Variants in PER2 observed in about 807,000 individuals in gnomAD.
PER2 encodes period circadian regulator 2.
Under a neutral mutation model 121.0 loss-of-function variants are expected in PER2, and 66 were observed. The ratio of observed to expected loss-of-function variants is 0.55; its 90% CI spans 0.45 to 0.67. The LOEUF (loss-of-function observed/expected upper bound fraction) is 0.67. Ranked by LOEUF, PER2 falls within the 30% of genes least tolerant of loss-of-function variation. PER2 has a pLI of 0.00. For synonymous variants in PER2, 684 were observed against 659.9 expected, an observed-to-expected ratio of 1.04 and a Z score of -0.56; for missense variants, 1,521 against 1,635.0, an observed-to-expected ratio of 0.93 and a Z score of 1.20.
At position 238,253,384 on chromosome 2, in the gene PER2, G is replaced by T. The variant is rs1481548000; in HGVS notation, c.2639C>A (p.Ala880Asp). 4.3e-6 allele frequency: 7 copies of T among 1,612,194 alleles called. No homozygotes were observed. In the African/African-American group the frequency reaches 9.3e-5, roughly 22 times the overall value. The change falls in exon 19 of 23, where the codon GCT (alanine) becomes GAT (aspartate). Residue 880 changes from alanine (A) to aspartate (D), a missense_variant. Ala to Asp is a moderately radical substitution (Grantham distance 126). Transcript: ENST00000254657. The surrounding 1 kb of genome is among the most constrained non-coding windows in gnomAD (Gnocchi z 5.6). ...CTGGTGCTGGAGGTCCACGGGCACA[G>T]CAGGCACTGTGAAGCTGGCGTGGGG... The part of the protein sequence containing the change: ...APPHASFTVP[A>D]VPVDLQHQFA...
Position 238,258,580 on chromosome 2 carries a change from C to G in PER2, c.1692G>C (p.Gly564=), listed in dbSNP as rs774787998. The change falls in exon 15 of 23, where the codon GGG becomes GGC. Residue 564 remains glycine (G), a synonymous_variant. Coordinates refer to ENST00000254657, the MANE Select transcript of PER2 (RefSeq NM_022817.3). ...AVPAMEKDSL[G]VSFPEELACK... Reference sequence around the variant, plus strand: ...AGGCCAACTCCTCGGGGAAGCTGACCCCCAGGCTGTCCTTTTCCATGGCAG... The same window carrying G: ...AGGCCAACTCCTCGGGGAAGCTGACGCCCAGGCTGTCCTTTTCCATGGCAG... 10 of 1,614,018 alleles carry G rather than the reference C, an allele frequency of 6.2e-6. No homozygotes were observed. Among genetic ancestry groups the G allele is most frequent in the Admixed American group, 1.7e-5 (1 of 60,000 alleles).
At chr2:238,298,985 A>G in the PER2 span, 7 of 152,274 alleles carry the variant, frequency 4.6e-5, no homozygotes, top group African/African-American at 1.7e-4. Flanking sequence ...CACTGTTGCA[A>G]ATCGGCCAGG....
upstream of PER2, among the ~76,000 whole-genome samples, chr2:238,288,944 A>T (rs1312023109): frequency 6.6e-6 from 1 of 152,200 alleles, no homozygotes; most frequent in African/African-American, 2.4e-5. Context: ...CATAAGACGC[A>T]CATGGAACTC....
rs181438358 is a variant in PER2 at position 238,266,146 on chromosome 2, G to A, written c.968-556C>T. ...TCTCGATCTCCTGACCTCGTGATCC[G>A]CCCACCTTGGCCTCCCAAAGTGCTG... On this transcript the variant is annotated intron_variant, in intron 8 of 22. Coordinates refer to ENST00000254657, the MANE Select transcript of PER2 (RefSeq NM_022817.3). Among the ~76,000 whole-genome samples, 898 of 151,976 alleles carry A rather than the reference G, an allele frequency of 5.9e-3. 5 individuals are homozygous for A. The highest frequency in any genetic ancestry group is 9.9e-3 in the Non-Finnish European group (673 of 67,918).
rs549790537 is a variant in PER2 at position 238,288,451 on chromosome 2, C to A, written c.-122G>T. 3 of 152,416 alleles carry A rather than the reference C, an allele frequency of 2.0e-5. No homozygotes were observed. Among genetic ancestry groups the A allele is most frequent in the South Asian group, 2.1e-4 (1 of 4,834 alleles). The allele number at this position is 152,416 out of a possible 1,614,324, so 9.4% of individuals were successfully genotyped here. A position where few individuals can be genotyped will look rare whatever the true frequency, so the allele number is the denominator to read the frequency against. On this transcript the variant is annotated 5_prime_UTR_variant, in exon 1 of 23. Transcript: ENST00000254657. ...GCGCACCCTGCGCGCGGCTCGACCA[C>A]TCTCCACCTGGGACAGGGCCAAGGG...
chr2:238,271,637 T>TC, intron 5 of PER2, 124 bp from the exon 6 acceptor site: 1 of 743,748 alleles, frequency 1.3e-6, no homozygotes, highest in Non-Finnish European at 2.4e-6. Flanking sequence ...GCTCTCTGAC[T>TC]CCCTTGCCTA....
upstream of PER2, chr2:238,289,486 A>G (rs534596063): frequency 1.4e-4 from 22 of 152,348 alleles, no homozygotes; most frequent in Admixed American, 1.3e-3. Context: ...GGTTCAGGAA[A>G]TAGAGTCATT....
rs35998480 is a variant in PER2 at position 238,253,177 on chromosome 2, A to T, written c.2846T>A (p.Phe949Tyr). The T allele has an allele frequency of 2.0e-4, 312 of 1,593,586 alleles. No homozygotes were observed. The African/African-American group carries it at 3.6e-3, about 19-fold the overall frequency. Residue 949 changes from phenylalanine to tyrosine, a missense_variant, in exon 19 of 23, where the codon TTC becomes TAC. Physicochemically the swap from Phe to Tyr is conservative, Grantham distance 22 (BLOSUM62 3). Transcript: ENST00000254657. This position sits in a 1 kb window ranked among gnomAD's most constrained non-coding sequence, Gnocchi z 5.6. ...TCTGGGGATCGAGGTCCGGCTGGGG[A>T]ACTCAGGCTGTGAGGCAGAGGCCAT... ...SEMASASQPE[F>Y]PSRTSIPRQP...
chr2:238,274,577 G>A (rs528157776), intron 4 of PER2, among the ~76,000 whole-genome samples: 5 of 152,248 alleles, frequency 3.3e-5, no homozygotes, highest in Non-Finnish European at 7.3e-5. Flanking sequence ...GAGGCCAACA[G>A]GGAAACACCT....
At chr2:238,276,826 C>A (rs1224791043) in intron 3 of PER2, among the ~76,000 whole-genome samples, 1 of 152,162 alleles carries the variant, frequency 6.6e-6, no homozygotes, top group Non-Finnish European at 1.5e-5. Context: ...AAGTTTGTTA[C>A]AAACACCTAC....
chr2:238,274,785 C>G (rs189729159), intron 4 of PER2, among the ~76,000 whole-genome samples: 223 of 152,294 alleles, frequency 1.5e-3, no homozygotes, highest in African/African-American at 5.1e-3. Flanking sequence ...ACGAGTAGCC[C>G]AGGCACCTTG....
chr2:238,283,982 ATG>A (rs1244154973), intron 1 of PER2, among the ~76,000 whole-genome samples: 1 of 152,044 alleles, frequency 6.6e-6, no homozygotes, highest in Non-Finnish European at 1.5e-5. Context: ...ACCACCTCCT[ATG>A]TGATCTCGGA....
intron 3 of PER2, among the ~76,000 whole-genome samples, chr2:238,276,810 T>G (rs767025966): frequency 2.0e-5 from 3 of 152,132 alleles, no homozygotes; most frequent in Non-Finnish European, 4.4e-5. Context: ...AAAATTGACA[T>G]AGGGTAAGTT....
At chr2:238,246,844 C>G (rs1423018225) in intron 22 of PER2, among the ~76,000 whole-genome samples, 2 of 152,138 alleles carry the variant, frequency 1.3e-5, no homozygotes, top group Non-Finnish European at 2.9e-5. Context: ...CTACTGTGCT[C>G]CAGCCTGGGC....
chr2:238,273,913 G>C (rs181482132), intron 4 of PER2, among the ~76,000 whole-genome samples: 2 of 152,236 alleles, frequency 1.3e-5, no homozygotes, highest in Admixed American at 1.3e-4. Context: ...TGATCTGCCC[G>C]CCTCGGCCTC....
At chr2:238,294,800 G>A (rs191131551), upstream of PER2, among the ~76,000 whole-genome samples, 46 of 152,324 alleles carry the variant, frequency 3.0e-4, no homozygotes, top group African/African-American at 7.7e-4. Flanking sequence ...AGTCAGGAGC[G>A]ACCAAAGTCC....
chr2:238,266,200 G>GC (rs1364733205), intron 8 of PER2, among the ~76,000 whole-genome samples: 2 of 152,110 alleles, frequency 1.3e-5, no homozygotes, highest in African/African-American at 4.8e-5. Context: ...ACTGCGCCCG[G>GC]CCCCATCTTT....
At chr2:238,256,872 T>C (rs1294979741) in intron 17 of PER2, 50 bp downstream of exon 17, 3 of 1,581,788 alleles carry the variant, frequency 1.9e-6, no homozygotes, top group Non-Finnish European at 2.6e-6. Context: ...CTTCTTGTTT[T>C]CATGGTTAAA....
rs773720951 is a variant in PER2, at chr2:238,253,063, G to A, written c.2960C>T (p.Ser987Leu). The A allele has an allele frequency of 3.1e-6, 5 of 1,613,190 alleles. No homozygotes were observed. Among genetic ancestry groups the A allele is most frequent in the African/African-American group, 1.3e-5 (1 of 75,044 alleles). Residue 987 changes from serine to leucine, a missense_variant, in exon 19 of 23, where the codon TCG (serine) becomes TTG (leucine). Ser to Leu is a moderately radical substitution (Grantham distance 145). Coordinates refer to ENST00000254657, the MANE Select transcript of PER2 (RefSeq NM_022817.3). This position sits in a 1 kb window ranked among gnomAD's most constrained non-coding sequence, Gnocchi z 5.6. ...CTGCAGCAGGTTGAGCTGCAGGGGC[G>A]AGCTGCTGCGGGACTGAAAGAGCGG... is the stretch of plus-strand genomic sequence containing the variant. ...SPPLFQSRSS[S>L]PLQLNLLQLE... is the part of the protein sequence containing the mutation.
Sources: gnomAD v4.1 joint callset for allele counts (sites outside exome capture counted in the v4.1 genomes callset) on GRCh38, gnomAD v4.1.1 for gene constraint, Gnocchi (gnomAD v3.1) non-coding constraint, MANE v1.5 for transcripts, NCBI Gene and HGNC (gene_info 2026-07-23, HGNC 2026-07-21) for gene names.